The following PPP4R3B variants were observed in gnomAD, a reference collection of about 807,000 sequenced individuals.
The protein encoded by PPP4R3B is protein phosphatase 4 regulatory subunit 3B, also known as serine/threonine-protein phosphatase 4 regulatory subunit 3B.
PPP4R3B carries 52 observed loss-of-function variants against 95.4 expected under a neutral mutation model. The ratio of observed to expected loss-of-function variants is 0.54; its 90% CI spans 0.44 to 0.69. The LOEUF is 0.69. Among genes scored for constraint, PPP4R3B ranks in the 30% least tolerant of loss-of-function variants. The probability of loss-of-function intolerance (pLI) is 0.00; values close to 1 mark genes in which losing one functional copy is unlikely to be tolerated. For synonymous variants in PPP4R3B, 407 were observed against 343.9 expected (o/e 1.18, Z -2.03); for missense variants, 1,003 against 1,005.9 (o/e 1.00, Z 0.04).
chr2:55,564,225 A>G (rs2103929351), intron 15 of PPP4R3B, 88 bp downstream of exon 15: 3 of 1,202,602 alleles, frequency 2.5e-6, no homozygotes, highest in Middle Eastern at 2.4e-4. Context: ...CTTGCTTTGT[A>G]AACTATAAAC....
rs766624965 is a variant in PPP4R3B at position 55,617,170 on chromosome 2, G to A, written c.116C>T (p.Ser39Leu). The A allele has an allele frequency of 8.7e-6, 14 of 1,613,300 alleles. No homozygotes were observed. The highest frequency in any genetic ancestry group is 3.3e-5 in the Admixed American group (2 of 59,774). ...STYVEELKGMSLLVRAESDGS... is the reference protein window; with the variant it reads ...STYVEELKGMLLLVRAESDGS... ...GTCGGACTCTGCCCGAACCAGCAGC[G>A]ACATCCCCTTGAGCTCCTCCACGTA... Residue 39 changes from serine to leucine, a missense_variant, in exon 1 of 17, where the codon TCG (serine) becomes TTG (leucine). Ser to Leu is a moderately radical substitution (Grantham distance 145, BLOSUM62 -2). Transcript: ENST00000616407.
At chr2:55,583,023 C>T (rs767828524) in intron 7 of PPP4R3B, among the ~76,000 whole-genome samples, 2 of 152,046 alleles carry the variant, frequency 1.3e-5, no homozygotes, top group Admixed American at 6.6e-5. Context: ...TTCCTTTCAT[C>T]TTAATACATA....
chr2:55,556,231 T>C (rs1685829712), intron 16 of PPP4R3B, among the ~76,000 whole-genome samples: 1 of 152,234 alleles, frequency 6.6e-6, no homozygotes, highest in Non-Finnish European at 1.5e-5. Context: ...TCTACAGTGA[T>C]AGAGCAACTG....
At chr2:55,571,589 T>C (rs147376806) in intron 12 of PPP4R3B, among the ~76,000 whole-genome samples, 2 of 152,156 alleles carry the variant, frequency 1.3e-5, no homozygotes, top group South Asian at 2.1e-4. Context: ...AGAGACACTA[T>C]AATGCCTGGC....
chr2:55,564,754 A>T (rs1687070745), intron 14 of PPP4R3B, 148 bp downstream of exon 14: 10 of 853,996 alleles, frequency 1.2e-5, no homozygotes, highest in Non-Finnish European at 1.6e-5. Flanking sequence ...GATATGGGGT[A>T]GGGGGGACGC....
rs1690886942 is a variant in PPP4R3B, at chr2:55,590,700, T to C, written c.922-1744A>G. Among the ~76,000 whole-genome samples the C allele has an allele frequency of 2.0e-5, 3 of 152,186 alleles. No individual in the cohort carries two copies. In the South Asian group the frequency reaches 6.2e-4, roughly 31 times the overall value. ...TCCATTAATTTAAAGTAACATGTTCTAAAAAAGTTTGTAACAATAGTATCT... is the reference window on the plus strand; with the variant it reads ...TCCATTAATTTAAAGTAACATGTTCCAAAAAAGTTTGTAACAATAGTATCT... On this transcript the variant is annotated intron_variant, in intron 4 of 16. Coordinates refer to ENST00000616407, the MANE Select transcript of PPP4R3B (RefSeq NM_001122964.3).
chr2:55,589,783 G>A (rs1690702623), intron 4 of PPP4R3B, among the ~76,000 whole-genome samples: 1 of 151,294 alleles, frequency 6.6e-6, no homozygotes, highest in Non-Finnish European at 1.5e-5. Flanking sequence ...AGGCATGGTG[G>A]TGGGCGCCTG....
chr2:55,559,233 C>G (rs1293001089), intron 15 of PPP4R3B, among the ~76,000 whole-genome samples: 1 of 151,986 alleles, frequency 6.6e-6, no homozygotes, highest in Non-Finnish European at 1.5e-5. Context: ...ATAATCTTAG[C>G]TACTTGGGAG....
intron 15 of PPP4R3B, among the ~76,000 whole-genome samples, chr2:55,562,665 C>T (rs1686781668): frequency 6.6e-6 from 1 of 152,132 alleles, no homozygotes; most frequent in African/African-American, 2.4e-5. Context: ...CGAACTAATA[C>T]AAGTGGTAAG....
chr2:55,569,085 A>G (rs1054495903), intron 12 of PPP4R3B, among the ~76,000 whole-genome samples: 1 of 152,174 alleles, frequency 6.6e-6, no homozygotes, highest in African/African-American at 2.4e-5. Flanking sequence ...CAATATTATA[A>G]TAATCCTCGC....
At chr2:55,603,513 T>TA (rs551962632) in intron 3 of PPP4R3B, among the ~76,000 whole-genome samples, 95 of 152,364 alleles carry the variant, frequency 6.2e-4, no homozygotes, top group African/African-American at 2.2e-3. Flanking sequence ...TTAAAAAAAT[T>TA]CTAGTTACTT....
chr2:55,571,663 T>C (rs1688017573), intron 12 of PPP4R3B, among the ~76,000 whole-genome samples: 1 of 152,336 alleles, frequency 6.6e-6, no homozygotes, highest in Non-Finnish European at 1.5e-5. Flanking sequence ...TCTTGCTCTG[T>C]TGCCCAGGCT....
rs1695109475 is a variant in PPP4R3B at position 55,617,354 on chromosome 2, G to A, written c.-69C>T. 1.2e-5 allele frequency: 18 copies of A among 1,459,878 alleles called. No individual in the cohort carries two copies. Among genetic ancestry groups the A allele is most frequent in the South Asian group, 4.2e-5 (3 of 72,236 alleles). The allele number at this position is 1,459,878 out of a possible 1,614,324, so 90.4% of individuals were successfully genotyped here. Reference sequence around the variant, plus strand: ...ACCTCGTCCGCGCTCCTCACTCTTAGGAGACGGTAAAGGCAGTAGTGGCGG... The same window carrying A: ...ACCTCGTCCGCGCTCCTCACTCTTAAGAGACGGTAAAGGCAGTAGTGGCGG... On this transcript the variant is annotated 5_prime_UTR_variant, in exon 1 of 17. Coordinates refer to ENST00000616407, the MANE Select transcript of PPP4R3B (RefSeq NM_001122964.3).
intron 11 of PPP4R3B, 58 bp from the exon 12 acceptor site, chr2:55,573,835 A>C: frequency 8.5e-7 from 1 of 1,183,174 alleles, no homozygotes; most frequent in African/African-American, 1.6e-5. Flanking sequence ...ATAAAGAATA[A>C]ATAAAGCTTA....
At chr2:55,589,094 C>G (rs376982167) in intron 4 of PPP4R3B, 138 bp from the exon 5 acceptor site, 58 of 560,046 alleles carry the variant, frequency 1.0e-4, no homozygotes, top group African/African-American at 8.4e-4. Flanking sequence ...GGGTGTATTT[C>G]TGTGTTACAA....
In PPP4R3B at chr2:55,598,631, T is replaced by C; in HGVS notation, c.706A>G (p.Lys236Glu). The change falls in exon 4 of 17, where the codon AAA becomes GAA. Residue 236 changes from lysine to glutamate, a missense_variant. Lys to Glu is a moderately conservative substitution (Grantham distance 56). This residue lies in a region of PPP4R3B where 695 missense variants were observed against 686.2 expected (regional missense o/e 1.01). Transcript: ENST00000616407. ...LEYDPALAQP[K>E]RHREFLTKTA... ...TTGGTCAAGAATTCTCTATGTCTTTTTGGCTGAGCCAAAGCAGGGTCATAT... is the reference window on the plus strand; with the variant it reads ...TTGGTCAAGAATTCTCTATGTCTTTCTGGCTGAGCCAAAGCAGGGTCATAT... The C allele has an allele frequency of 6.2e-7, 1 of 1,614,210 alleles. No individual in the cohort carries two copies. The highest frequency in any genetic ancestry group is 8.5e-7 in the Non-Finnish European group (1 of 1,180,034).
intron 4 of PPP4R3B, among the ~76,000 whole-genome samples, chr2:55,590,627 G>T (rs1020899059): frequency 2.6e-5 from 4 of 152,134 alleles, no homozygotes; most frequent in Non-Finnish European, 5.9e-5. Flanking sequence ...ATTGTTGGTG[G>T]TTTTAAGCTT....
intron 11 of PPP4R3B, among the ~76,000 whole-genome samples, chr2:55,574,717 CCGAGTAGATGG>C (rs1688424833): frequency 6.6e-6 from 1 of 151,442 alleles, no homozygotes; most frequent in African/African-American, 2.4e-5. Context: ...CCTTAGCCTC[CCGAGTAGATGG>C]GACTACAGGC....
rs1424882641 is a variant in PPP4R3B, at chr2:55,603,298, T to A, written c.297+680A>T. Among the ~76,000 whole-genome samples, 64 of 152,146 alleles carry A rather than the reference T, an allele frequency of 4.2e-4. 1 individual carries two copies. The highest frequency in any genetic ancestry group is 4.2e-3 in the Admixed American group (64 of 15,262). On this transcript the variant is annotated intron_variant, in intron 3 of 16. Coordinates refer to ENST00000616407, the MANE Select transcript of PPP4R3B (RefSeq NM_001122964.3). ...AAGAACATGTATTAAAAAGTAGGTG[T>A]TGACATATAGGGGTGGGGTAGTAGG...
Sources: allele counts gnomAD v4.1 joint callset (sites outside exome capture counted in the v4.1 genomes callset), GRCh38; gene constraint gnomAD v4.1.1; regional missense constraint gnomAD v4.1.1; transcripts MANE v1.5; gene names NCBI Gene and HGNC (gene_info 2026-07-23, HGNC 2026-07-21).